IQSEC2: variants seen among roughly 807,000 people sequenced by gnomAD.
The protein encoded by IQSEC2 is IQ motif and Sec7 domain ArfGEF 2.
Under a neutral mutation model 74.6 loss-of-function variants are expected in IQSEC2, and 6 were observed. The observed-to-expected ratio is 0.08, with a 90% CI of 0.04 to 0.16. The LOEUF is 0.16. Ranked by LOEUF, IQSEC2 falls within the 10% of genes least tolerant of loss-of-function variation. The probability of loss-of-function intolerance (pLI) is 1.00; values close to 1 mark genes in which losing one functional copy is unlikely to be tolerated. For synonymous variants in IQSEC2, 494 were observed against 544.5 expected, an observed-to-expected ratio of 0.91 and a Z score of 1.29; for missense variants, 734 against 1,306.2, an observed-to-expected ratio of 0.56 and a Z score of 6.75.
chrX:53,312,911 T>G (rs946862193), intron 1 of IQSEC2, among the ~76,000 whole-genome samples: 1 of 112,424 alleles, frequency 8.9e-6, no homozygotes, highest in African/African-American at 3.2e-5. Context: ...TGCAGTCCTA[T>G]CACTCCTTTA....
At chrX:53,279,589 G>T (rs1556870310) in intron 2 of IQSEC2, 2 of 1,199,618 alleles carry the variant, frequency 1.7e-6, no homozygotes, top group Non-Finnish European at 2.3e-6. Context: ...CTGCCTGAGG[G>T]GGTAAGCTTC....
chrX:53,320,065 TA>T (rs781798445), intron 1 of IQSEC2, among the ~76,000 whole-genome samples: 1 of 109,146 alleles, frequency 9.2e-6, no homozygotes, highest in Non-Finnish European at 1.9e-5. Flanking sequence ...TCGCCGACCA[TA>T]AAAATTCCAA....
At chrX:53,305,947 G>A (rs1338776741) in intron 1 of IQSEC2, among the ~76,000 whole-genome samples, 2 of 112,185 alleles carry the variant, frequency 1.8e-5, no homozygotes, top group African/African-American at 6.5e-5. Context: ...AGGAAGGTGC[G>A]GTTAGGCACA....
In IQSEC2 at chrX:53,237,875, A is replaced by G. The variant is rs1360050385; in HGVS notation, c.3277+270T>C. The G allele has an allele frequency of 1.0e-5, 4 of 386,657 alleles. No individual in the cohort carries two copies. The Admixed American group carries it at 1.7e-4, about 16-fold the overall frequency. The allele number at this position is 386,657 out of a possible 1,213,427, so 31.9% of individuals were successfully genotyped here. ...ACCTGGGATCTAAAACTATAGTCCT[A>G]CCTCCAATACTCTGATTCTTCTCCC... On this transcript the variant is annotated intron_variant, in intron 12 of 14. Coordinates refer to ENST00000642864, the MANE Select transcript of IQSEC2 (RefSeq NM_001111125.3).
intron 1 of IQSEC2, among the ~76,000 whole-genome samples, chrX:53,306,216 G>A (rs1556876597): frequency 8.9e-6 from 1 of 111,958 alleles, no homozygotes. Flanking sequence ...CCCACCGCCT[G>A]GACAAAGAGG....
At chrX:53,274,567 T>A (rs1602323282) in intron 2 of IQSEC2, among the ~76,000 whole-genome samples, 1 of 93,931 alleles carries the variant, frequency 1.1e-5, no homozygotes, top group East Asian at 3.9e-4. Context: ...GTTCACGCCA[T>A]TCTCTTGCCT....
intron 7 of IQSEC2, among the ~76,000 whole-genome samples, chrX:53,247,380 C>T (rs1556862278): frequency 8.9e-6 from 1 of 112,284 alleles, no homozygotes; most frequent in East Asian, 2.8e-4. Context: ...TGCAAGGTAG[C>T]TATTGGCAGT....
intron 2 of IQSEC2, among the ~76,000 whole-genome samples, chrX:53,290,815 G>A (rs1401129285): frequency 1.8e-5 from 2 of 111,764 alleles, no homozygotes; most frequent in Non-Finnish European, 3.8e-5. Flanking sequence ...CATATCCACT[G>A]CCTGAATGAC....
intron 2 of IQSEC2, among the ~76,000 whole-genome samples, chrX:53,281,151 T>A (rs147598465): frequency 8.9e-6 from 1 of 112,696 alleles, no homozygotes; most frequent in African/African-American, 3.2e-5. Context: ...TCAGAGACTC[T>A]TAGGCTGCTG....
At chrX:53,317,075 A>G (rs12009897) in intron 1 of IQSEC2, among the ~76,000 whole-genome samples, 1,527 of 111,057 alleles carry the variant, frequency 0.014, 34 homozygotes, top group African/African-American at 0.048. Flanking sequence ...GCACTCCTAT[A>G]TATCACTCTA....
chrX:53,315,960 C>G (rs1288957910), intron 1 of IQSEC2, among the ~76,000 whole-genome samples: 3 of 111,869 alleles, frequency 2.7e-5, no homozygotes, highest in East Asian at 2.8e-4. Flanking sequence ...CCCCTCATCC[C>G]TCACCCACCG....
chrX:53,286,071 G>A (rs2075022038), intron 2 of IQSEC2, among the ~76,000 whole-genome samples: 1 of 112,109 alleles, frequency 8.9e-6, no homozygotes, highest in Non-Finnish European at 1.9e-5. Flanking sequence ...TTCAGTCACT[G>A]AACTCATAAA....
chrX:53,261,212 TTCTC>T (rs2074563311), intron 2 of IQSEC2, among the ~76,000 whole-genome samples: 1 of 111,332 alleles, frequency 9.0e-6, no homozygotes, highest in Non-Finnish European at 1.9e-5. Flanking sequence ...ATCTCTCTTC[TTCTC>T]TTTCTCTCGC....
rs2074911776 is a variant in IQSEC2 at position 53,279,714 on chromosome X, A to G, written c.737+12181T>C. On this transcript the variant is annotated intron_variant, in intron 2 of 14. Coordinates refer to ENST00000642864, the MANE Select transcript of IQSEC2 (RefSeq NM_001111125.3). Reference sequence around the variant, plus strand: ...AGAGAGAGAGACAGGGAGGGAGGGAAGTGGCAGGGTGGGCGATGGGGGCAA... The same window carrying G: ...AGAGAGAGAGACAGGGAGGGAGGGAGGTGGCAGGGTGGGCGATGGGGGCAA... The G allele has an allele frequency of 5.7e-6, 4 of 704,760 alleles. No individual in the cohort carries two copies. The South Asian group carries it at 6.7e-5, about 12-fold the overall frequency. The allele number at this position is 704,760 out of a possible 1,213,427, so 58.1% of individuals were successfully genotyped here.
chrX:53,277,134 G>C (rs1276572682), intron 2 of IQSEC2, among the ~76,000 whole-genome samples: 1 of 110,223 alleles, frequency 9.1e-6, no homozygotes, highest in Non-Finnish European at 1.9e-5. Flanking sequence ...TTCAAGATTT[G>C]CTAGAATTTC....
intron 11 of IQSEC2, 26 bp from the exon 12 acceptor site, chrX:53,238,332 C>T (rs782035996): frequency 1.7e-6 from 2 of 1,201,924 alleles, no homozygotes; most frequent in Admixed American, 4.4e-5. Flanking sequence ...AGACTGGGCA[C>T]CTCTGTTGGG....
chrX:53,275,728 CTTTTTTTTTTTT>C (rs1219701474), intron 2 of IQSEC2, among the ~76,000 whole-genome samples: 1 of 81,705 alleles, frequency 1.2e-5, no homozygotes, highest in Admixed American at 1.4e-4. Context: ...TGCCCTCATT[CTTTTTTTTTTTT>C]TTTTTTTTGA....
chrX:53,279,891 A>G (rs376407834), intron 2 of IQSEC2: 48 of 77,500 alleles, frequency 6.2e-4, no homozygotes, highest in East Asian at 3.2e-3. Context: ...AGGAAGATGG[A>G]GAGAGAGGAA....
intron 1 of IQSEC2, among the ~76,000 whole-genome samples, chrX:53,294,234 A>G (rs2075128894): frequency 8.9e-6 from 1 of 112,582 alleles, no homozygotes; most frequent in African/African-American, 3.2e-5. Flanking sequence ...AAAGGGGAGC[A>G]AAAGAGCTCC....
Sources: allele counts gnomAD v4.1 joint callset (sites outside exome capture counted in the v4.1 genomes callset), GRCh38; gene constraint gnomAD v4.1.1; transcripts MANE v1.5; gene names NCBI Gene and HGNC (gene_info 2026-07-23, HGNC 2026-07-21).